PHF20: variants seen among roughly 807,000 people sequenced by gnomAD.
PHF20 encodes PHD finger protein 20.
Under a neutral mutation model 113.5 loss-of-function variants are expected in PHF20, and 23 were observed. The observed-to-expected ratio is 0.20, with a 90% confidence interval of 0.15 to 0.29. The LOEUF (loss-of-function observed/expected upper bound fraction) is 0.29. Ranked by LOEUF, PHF20 falls within the 10% of genes least tolerant of loss-of-function variation. PHF20 has a pLI of 1.00. For missense variants in PHF20, 943 were observed against 1,219.6 expected (o/e 0.77, Z 3.38); for synonymous variants, 434 against 457.3 (o/e 0.95, Z 0.65).
chr20:35,897,961 C>T (rs958496387), intron 9 of PHF20, among the ~76,000 whole-genome samples: 4 of 151,816 alleles, frequency 2.6e-5, no homozygotes, highest in Non-Finnish European at 5.9e-5. Flanking sequence ...CTGCAACCTC[C>T]GCCTCCCAGG....
At chr20:35,825,724 A>AG (rs113467374) in intron 2 of PHF20, among the ~76,000 whole-genome samples, 25,597 of 151,976 alleles carry the variant, frequency 0.17, 2,206 homozygotes, top group African/African-American at 0.23. Context: ...GTGCCATGAA[A>AG]TACACTACAG....
At chr20:35,870,829 C>A in intron 7 of PHF20, 126 bp from the exon 8 acceptor site, 1 of 609,728 alleles carries the variant, frequency 1.6e-6, no homozygotes, top group Non-Finnish European at 2.8e-6. Flanking sequence ...CCTTTTATCA[C>A]TACTCTAACA....
chr20:35,889,631 G>T (rs758373653), intron 9 of PHF20, among the ~76,000 whole-genome samples: 18 of 152,104 alleles, frequency 1.2e-4, no homozygotes, highest in Middle Eastern at 6.8e-3. Context: ...CTAGAGTGCT[G>T]AGATTACACG....
At chr20:35,777,879 C>G (rs2041207006) in intron 1 of PHF20, among the ~76,000 whole-genome samples, 1 of 152,148 alleles carries the variant, frequency 6.6e-6, no homozygotes, top group Non-Finnish European at 1.5e-5. Context: ...GATAAGAAAT[C>G]TGTATTTCAA....
rs575045626 is a variant in PHF20 at position 35,801,966 on chromosome 20, C to T, written c.83+361C>T. The T allele has an allele frequency of 3.3e-5, 6 of 182,038 alleles. No individual in the cohort carries two copies. In the South Asian group the frequency reaches 5.4e-4, roughly 16 times the overall value. The allele number at this position is 182,038 out of a possible 1,614,324, so 11.3% of individuals were successfully genotyped here. On this transcript the variant is annotated intron_variant, in intron 2 of 17. Coordinates refer to ENST00000374012, the MANE Select transcript of PHF20 (RefSeq NM_016436.5). ...ATGGAATAGTGAAGAAAAAGGGGTT[C>T]GATTGGAGCAGCTCATGTGTTGTGA...
intron 2 of PHF20, among the ~76,000 whole-genome samples, chr20:35,810,842 A>C (rs753657361): frequency 3.3e-5 from 5 of 152,172 alleles, no homozygotes; most frequent in Non-Finnish European, 7.3e-5. Flanking sequence ...ATGCTTTGCC[A>C]AAAACAATGG....
chr20:35,890,646 C>T (rs901534992), intron 9 of PHF20, among the ~76,000 whole-genome samples: 1 of 152,120 alleles, frequency 6.6e-6, no homozygotes, highest in Non-Finnish European at 1.5e-5. Context: ...TTCAGGAAGC[C>T]GAAGTGGGCA....
At chr20:35,804,108 T>G (rs1354047356) in intron 2 of PHF20, among the ~76,000 whole-genome samples, 2 of 152,070 alleles carry the variant, frequency 1.3e-5, no homozygotes, top group Non-Finnish European at 2.9e-5. Flanking sequence ...GGAGTCTAGC[T>G]CTGTCACCCA....
At chr20:35,882,910 C>T (rs1295494507) in intron 9 of PHF20, among the ~76,000 whole-genome samples, 2 of 151,734 alleles carry the variant, frequency 1.3e-5, no homozygotes, top group Non-Finnish European at 2.9e-5. Flanking sequence ...TGCCTGTAGT[C>T]CCAGCTACTC....
chr20:35,881,070 T>TTTTTTTTC (rs1491351439), intron 9 of PHF20, among the ~76,000 whole-genome samples: 101 of 145,262 alleles, frequency 7.0e-4, no homozygotes, highest in African/African-American at 2.4e-3. Flanking sequence ...TTTTTTTTTT[T>TTTTTTTTC]CTGAGACGGA....
Position 35,913,301 on chromosome 20 carries a change from A to G in PHF20, c.1614A>G (p.Arg538=), listed in dbSNP as rs780616355. ...NKEKKFKEFV[R]VKPKKKKKKK... ...AGAAGAAATTCAAGGAGTTTGTGAGAGTGAAGCCAAAGAAGAAAAAGAAAA... is the reference window on the plus strand; with the variant it reads ...AGAAGAAATTCAAGGAGTTTGTGAGGGTGAAGCCAAAGAAGAAAAAGAAAA... Residue 538 remains arginine (R), a synonymous_variant, in exon 11 of 18, where the codon AGA becomes AGG. Coordinates refer to ENST00000374012, the MANE Select transcript of PHF20 (RefSeq NM_016436.5). The G allele has an allele frequency of 3.7e-6, 6 of 1,603,828 alleles. No individual in the cohort carries two copies. In the African/African-American group the frequency reaches 5.4e-5, roughly 14 times the overall value.
At chr20:35,940,541 C>A (rs1173113483) in intron 16 of PHF20, among the ~76,000 whole-genome samples, 3 of 152,116 alleles carry the variant, frequency 2.0e-5, no homozygotes. Flanking sequence ...CGTGTACTAA[C>A]CCTTGTCTGC....
intron 17 of PHF20, among the ~76,000 whole-genome samples, chr20:35,946,305 A>G (rs555642174): frequency 5.9e-5 from 9 of 151,470 alleles, no homozygotes; most frequent in Admixed American, 5.3e-4. Flanking sequence ...GTGGTGGCAC[A>G]TGCCTGTAAT....
At chr20:35,942,159 T>C (rs2055993612) in intron 17 of PHF20, among the ~76,000 whole-genome samples, 1 of 151,970 alleles carries the variant, frequency 6.6e-6, no homozygotes, top group African/African-American at 2.4e-5. Flanking sequence ...TCCCAGCTAC[T>C]TGGGAGGCTG....
chr20:35,792,928 TC>T (rs112204688), intron 1 of PHF20, among the ~76,000 whole-genome samples: 7,270 of 152,196 alleles, frequency 0.048, 218 homozygotes, highest in African/African-American at 0.089. Flanking sequence ...TTGTCGTCGC[TC>T]AGCCAACAAT....
intron 2 of PHF20, among the ~76,000 whole-genome samples, chr20:35,803,253 GAAA>G (rs200855143): frequency 3.1e-5 from 4 of 128,230 alleles, no homozygotes; most frequent in Non-Finnish European, 3.3e-5. Context: ...CTCCGTCCCG[GAAA>G]AAAAAAAAAA....
intron 3 of PHF20, among the ~76,000 whole-genome samples, chr20:35,844,353 C>G (rs535962921): frequency 6.6e-6 from 1 of 150,838 alleles, no homozygotes; most frequent in Non-Finnish European, 1.5e-5. Flanking sequence ...CCGCCTGCCT[C>G]GGCCTCTCAA....
intron 15 of PHF20, among the ~76,000 whole-genome samples, chr20:35,933,785 G>A (rs534447020): frequency 1.3e-5 from 2 of 152,050 alleles, no homozygotes; most frequent in African/African-American, 4.8e-5. Context: ...TGCCCATCTC[G>A]GCCTCCCAAA....
chr20:35,826,813 T>A lies in PHF20; in HGVS notation c.84-15760T>A, dbSNP rs545893542. 3.9e-5 allele frequency among the ~76,000 whole-genome samples: 6 copies of A among 152,248 alleles called. No homozygotes were observed. In the South Asian group the frequency reaches 1.2e-3, roughly 32 times the overall value. ...TGATAGAAGGGGTTTAGGGGTGATG[T>A]GTACATACTGACTGTTCAGTTGTTG... On this transcript the variant is annotated intron_variant, in intron 2 of 17. Coordinates refer to ENST00000374012, the MANE Select transcript of PHF20 (RefSeq NM_016436.5).
Sources: allele counts gnomAD v4.1 joint callset (sites outside exome capture counted in the v4.1 genomes callset), GRCh38; gene constraint gnomAD v4.1.1; transcripts MANE v1.5; gene names NCBI Gene and HGNC (gene_info 2026-07-23, HGNC 2026-07-21).